The following DENND4B variants were observed in gnomAD, a reference collection of about 807,000 sequenced individuals.
DENND4B encodes DENN domain-containing protein 4B.
A neutral mutation model predicts 161.0 loss-of-function variants in DENND4B; 67 were observed. That is an observed-to-expected ratio of 0.42 (90% CI 0.34 to 0.51). DENND4B has a LOEUF of 0.51. Among genes scored for constraint, DENND4B ranks in the 20% least tolerant of loss-of-function variants. The pLI is 0.08. For synonymous variants in DENND4B, 753 were observed against 813.8 expected (o/e 0.93, Z 1.27); for missense variants, 1,481 against 1,968.0 (o/e 0.75, Z 4.68).
At chr1:153,935,130 T>A in intron 17 of DENND4B, 166 bp from the exon 18 acceptor site, 1 of 1,385,308 alleles carries the variant, frequency 7.2e-7, no homozygotes, top group Non-Finnish European at 9.5e-7. Flanking sequence ...GAAGAGACAG[T>A]AGGCAGCAGC....
chr1:153,937,550 G>C lies in DENND4B; in HGVS notation c.2170C>G (p.Leu724Val). The C allele has an allele frequency of 2.5e-6, 4 of 1,611,686 alleles. No homozygotes were observed. The highest frequency in any genetic ancestry group is 3.4e-6 in the Non-Finnish European group (4 of 1,178,840). The part of the protein sequence containing the change: ...FESLQEQPGA[L>V]PVPGPSRSAP... ...CTACGGGAAGGGCCTGGCACAGGCAGGGCCCCAGGTTGCTCTTGAAGAGAC... is the reference window on the plus strand; with the variant it reads ...CTACGGGAAGGGCCTGGCACAGGCACGGCCCCAGGTTGCTCTTGAAGAGAC... The change falls in exon 15 of 28, where the codon CTG becomes GTG. Residue 724 changes from leucine (L) to valine (V), a missense_variant. This residue lies in a region of DENND4B where 806 missense variants were observed against 1,134.4 expected (regional missense o/e 0.71). Transcript: ENST00000361217. This position sits in a 1 kb window ranked among gnomAD's most constrained non-coding sequence, Gnocchi z 4.7.
In DENND4B at chr1:153,934,330, G is replaced by A. The variant is rs1445592614; in HGVS notation, c.2774-28C>T. The A allele has an allele frequency of 5.8e-6, 9 of 1,552,012 alleles. No homozygotes were observed. The highest frequency in any genetic ancestry group is 7.8e-6 in the Non-Finnish European group (9 of 1,153,916). Reference sequence around the variant, plus strand: ...GTAAAAGACGAGAAGGGGTTTAGAGGCGGCCAGCTAGGAACCCAGTCCCCT... The same window carrying A: ...GTAAAAGACGAGAAGGGGTTTAGAGACGGCCAGCTAGGAACCCAGTCCCCT... On this transcript the variant is annotated intron_variant, in intron 18 of 27. Coordinates refer to ENST00000361217, the MANE Select transcript of DENND4B (RefSeq NM_014856.3). The surrounding 1 kb of genome is among the most constrained non-coding windows in gnomAD (Gnocchi z 5.3).
At chr1:153,946,815 C>T, upstream of DENND4B, 1 of 354,814 alleles carries the variant, frequency 2.8e-6, no homozygotes, top group Non-Finnish European at 5.1e-6. The surrounding 1 kb of genome is among the most constrained non-coding windows in gnomAD (Gnocchi z 6.3). Flanking sequence ...CCTCAGGACA[C>T]TGACCCCAGG....
chr1:153,944,433 A>G lies in DENND4B; in HGVS notation c.-23-36T>C. On this transcript the variant is annotated intron_variant, in intron 1 of 27. Transcript: ENST00000361217. The surrounding 1 kb of genome is among the most constrained non-coding windows in gnomAD (Gnocchi z 4.8). ...CAAGTGGGAGAGAGATGAAGCAAGG[A>G]AGGCTGGGGATGCCATGGCAACCAG... 1 of 1,508,384 alleles carries G rather than the reference A, an allele frequency of 6.6e-7. No individual in the cohort carries two copies. Among genetic ancestry groups the G allele is most frequent in the South Asian group, 1.3e-5 (1 of 77,934 alleles). 93.4% of individuals were successfully genotyped at this position (1,508,384 alleles called of 1,614,324 possible).
chr1:153,936,838 C>G lies in DENND4B; in HGVS notation c.2233-90G>C. On this transcript the variant is annotated intron_variant, in intron 15 of 27. Transcript: ENST00000361217. This position sits in a 1 kb window ranked among gnomAD's most constrained non-coding sequence, Gnocchi z 4.1. ...TTTATTTATTTATGACGGTCTCGCTCTGTCACCCAGGCTGGAGTGCAGTGG... is the reference window on the plus strand; with the variant it reads ...TTTATTTATTTATGACGGTCTCGCTGTGTCACCCAGGCTGGAGTGCAGTGG... The G allele has an allele frequency of 7.6e-7, 1 of 1,312,884 alleles. No individual in the cohort carries two copies. Among genetic ancestry groups the G allele is most frequent in the African/African-American group, 1.5e-5 (1 of 66,976 alleles). 81.3% of individuals were successfully genotyped at this position (1,312,884 alleles called of 1,614,324 possible). A position where few individuals can be genotyped will look rare whatever the true frequency, so the allele number is the denominator to read the frequency against.
At chr1:153,935,984 C>A in intron 17 of DENND4B, 76 bp downstream of exon 17, 1 of 1,547,756 alleles carries the variant, frequency 6.5e-7, no homozygotes, top group Non-Finnish European at 8.8e-7. Flanking sequence ...CTCCAAGGAG[C>A]GAGGGGAGCA....
In DENND4B at chr1:153,930,679, G is replaced by A. The variant is rs531277377; in HGVS notation, c.4280+13C>T. 41 of 1,613,226 alleles carry A rather than the reference G, an allele frequency of 2.5e-5. 1 individual carries two copies. In the South Asian group the frequency reaches 4.2e-4, roughly 16 times the overall value. ...CGGACAGACCAGGGATCACCCAGAT[G>A]GTAGCACCATACCTCTGCAGGTGCA... On this transcript the variant is annotated intron_variant, in intron 26 of 27. Transcript: ENST00000361217. This position sits in a 1 kb window ranked among gnomAD's most constrained non-coding sequence, Gnocchi z 4.7.
In DENND4B at chr1:153,942,137, C is replaced by G; in HGVS notation, c.811-24G>C. On this transcript the variant is annotated intron_variant, in intron 5 of 27. Transcript: ENST00000361217. This position sits in a 1 kb window ranked among gnomAD's most constrained non-coding sequence, Gnocchi z 6.9. ...ACCTGGCAGGGGGCAGAAGGGTAGTCAGGCAGGCCCTGCATAGCCTGGACC... is the reference window on the plus strand; with the variant it reads ...ACCTGGCAGGGGGCAGAAGGGTAGTGAGGCAGGCCCTGCATAGCCTGGACC... 2 of 1,613,916 alleles carry G rather than the reference C, an allele frequency of 1.2e-6. No individual in the cohort carries two copies. The highest frequency in any genetic ancestry group is 2.2e-5 in the East Asian group (1 of 44,880).
Position 153,930,848 on chromosome 1 carries a change from G to T in DENND4B, c.4124C>A (p.Pro1375His). Reference protein sequence around the residue: ...YVLWRVHSQIPQRVVWPGPVP... With the variant: ...YVLWRVHSQIHQRVVWPGPVP... ...AGGGCCTGGCCATACCACCCGCTGG[G>T]GGATCTGGCCTGGATGAAAGGAAAG... is the stretch of plus-strand genomic sequence containing the variant. The change falls in exon 26 of 28, where the codon CCC becomes CAC. Residue 1375 changes from proline to histidine, a missense_variant. Coordinates refer to ENST00000361217, the MANE Select transcript of DENND4B (RefSeq NM_014856.3). The surrounding 1 kb of genome is among the most constrained non-coding windows in gnomAD (Gnocchi z 4.7). 6.3e-7 allele frequency: 1 copy of T among 1,598,598 alleles called. No individual in the cohort carries two copies. The highest frequency in any genetic ancestry group is 1.1e-5 in the South Asian group (1 of 88,508).
Position 153,933,701 on chromosome 1 carries a change from C to A in DENND4B, c.3112G>T (p.Gly1038Trp). 6.3e-7 allele frequency: 1 copy of A among 1,581,846 alleles called. No homozygotes were observed. Among genetic ancestry groups the A allele is most frequent in the East Asian group, 2.3e-5 (1 of 43,096 alleles). ...QSTEALEGLS[G>W]RGPKAGGRQD... ...CGCCCACCAGCCTTGGGTCCCCGCC[C>A]ACTTAGCCCTTCCAGGGCCTCAGTG... The change falls in exon 20 of 28, where the codon GGG (glycine) becomes TGG (tryptophan). Residue 1038 changes from glycine (G) to tryptophan (W), a missense_variant. Around this residue, in one of 3 missense-constraint regions of DENND4B, gnomAD observed 339 missense variants for 330.3 expected, o/e 1.03. Transcript: ENST00000361217. This position sits in a 1 kb window ranked among gnomAD's most constrained non-coding sequence, Gnocchi z 5.7.
Position 153,943,109 on chromosome 1 carries a change from T to G in DENND4B, c.339A>C (p.Glu113Asp), listed in dbSNP as rs1571058778. Residue 113 changes from glutamate to aspartate, a missense_variant, in exon 3 of 28, where the codon GAA (glutamate) becomes GAC (aspartate). By Grantham distance (45) the Glu-to-Asp change is conservative. Transcript: ENST00000361217. ...VELGVLYEGK[E>D]RPKPGFQVLD... Reference sequence around the variant, plus strand: ...GCACTTGGAAGCCAGGCTTGGGACGTTCCTTCCCCTCATACAACACCCTTG... The same window carrying G: ...GCACTTGGAAGCCAGGCTTGGGACGGTCCTTCCCCTCATACAACACCCTTG... 1.9e-6 allele frequency: 3 copies of G among 1,613,590 alleles called. No individual in the cohort carries two copies. Among genetic ancestry groups the G allele is most frequent in the East Asian group, 2.2e-5 (1 of 44,880 alleles).
Position 153,944,648 on chromosome 1 carries a change from C to T in DENND4B, c.-23-251G>A, listed in dbSNP as rs907908845. ...CTAAACTCCACCACACACAGCTAAC[C>T]TGAGCTATGACATTCACATTGTCCA... On this transcript the variant is annotated intron_variant, in intron 1 of 27. Transcript: ENST00000361217. The surrounding 1 kb of genome is among the most constrained non-coding windows in gnomAD (Gnocchi z 4.8). Among the ~76,000 whole-genome samples the T allele has an allele frequency of 2.0e-5, 3 of 152,228 alleles. No individual in the cohort carries two copies. The highest frequency in any genetic ancestry group is 2.9e-5 in the Non-Finnish European group (2 of 68,044).
chr1:153,941,067 T>C lies in DENND4B; in HGVS notation c.1182-19A>G, dbSNP rs763980098. The C allele has an allele frequency of 8.4e-6, 13 of 1,551,970 alleles. No homozygotes were observed. The African/African-American group carries it at 1.1e-4, about 13-fold the overall frequency. ...GGCACCACTGCAGGCAATGCCGAGG[T>C]GGGGAAAGGGTCACCAGGATACCCT... is the stretch of plus-strand genomic sequence containing the variant. On this transcript the variant is annotated intron_variant, in intron 8 of 27. Transcript: ENST00000361217.
rs1679580185 is a variant in DENND4B, at chr1:153,940,101, G to A, written c.1603+55C>T. ...AGCTCCCCACAGACCTCTGCAAACT[G>A]GAGGTTTGAGGGCAATGACAGTTCC... On this transcript the variant is annotated intron_variant, in intron 11 of 27. Coordinates refer to ENST00000361217, the MANE Select transcript of DENND4B (RefSeq NM_014856.3). This position sits in a 1 kb window ranked among gnomAD's most constrained non-coding sequence, Gnocchi z 5.6. 1.4e-6 allele frequency: 2 copies of A among 1,427,750 alleles called. No homozygotes were observed. Among genetic ancestry groups the A allele is most frequent in the Non-Finnish European group, 1.9e-6 (2 of 1,056,344 alleles). 88.4% of individuals were successfully genotyped at this position (1,427,750 alleles called of 1,614,324 possible).
At chr1:153,935,023 C>T (rs1679251366) in intron 17 of DENND4B, 59 bp from the exon 18 acceptor site, 1 of 1,586,732 alleles carries the variant, frequency 6.3e-7, no homozygotes, top group Non-Finnish European at 8.5e-7. Flanking sequence ...CTGCCTCATA[C>T]CCACTCCCTG....
intron 11 of DENND4B, 140 bp from the exon 12 acceptor site, chr1:153,939,944 G>C: frequency 2.3e-6 from 2 of 887,306 alleles, no homozygotes; most frequent in Admixed American, 2.7e-5. Context: ...TCAACTAACA[G>C]GTTCAAGCTT....
At chr1:153,946,847 G>A (rs1680004098), upstream of DENND4B, among the ~76,000 whole-genome samples, 1 of 152,182 alleles carries the variant, frequency 6.6e-6, no homozygotes, top group Non-Finnish European at 1.5e-5. The surrounding 1 kb of genome is among the most constrained non-coding windows in gnomAD (Gnocchi z 6.3). Context: ...GCCGCGGCGC[G>A]CTCCCTTCCC....
In DENND4B at chr1:153,946,138, G is replaced by A. The variant is rs952636106; in HGVS notation, c.-24+163C>T. Reference sequence around the variant, plus strand: ...GGCCGGGCACGGCGAGCTAATTGCGGGAGGTGCCCTCCCCTCCACTTTCAC... The same window carrying A: ...GGCCGGGCACGGCGAGCTAATTGCGAGAGGTGCCCTCCCCTCCACTTTCAC... On this transcript the variant is annotated intron_variant, in intron 1 of 27. Coordinates refer to ENST00000361217, the MANE Select transcript of DENND4B (RefSeq NM_014856.3). The surrounding 1 kb of genome is among the most constrained non-coding windows in gnomAD (Gnocchi z 6.3). Among the ~76,000 whole-genome samples, 1 of 152,162 alleles carries A rather than the reference G, an allele frequency of 6.6e-6. No homozygotes were observed. Among genetic ancestry groups the A allele is most frequent in the African/African-American group, 2.4e-5 (1 of 41,456 alleles).
In DENND4B at chr1:153,933,955, T is replaced by C; in HGVS notation, c.2942-84A>G. ...TTCCTGAATAAACACAATTCCTGGC[T>C]GCACAAACTCTGGTGCCACCACCCC... On this transcript the variant is annotated intron_variant, in intron 19 of 27. Transcript: ENST00000361217. This position sits in a 1 kb window ranked among gnomAD's most constrained non-coding sequence, Gnocchi z 5.7. 2 of 1,549,086 alleles carry C rather than the reference T, an allele frequency of 1.3e-6. No homozygotes were observed. Among genetic ancestry groups the C allele is most frequent in the Admixed American group, 2.3e-5 (1 of 42,756 alleles).
Sources: gnomAD v4.1 joint callset for allele counts (sites outside exome capture counted in the v4.1 genomes callset) on GRCh38, gnomAD v4.1.1 for gene constraint, gnomAD v4.1.1 regional missense constraint, Gnocchi (gnomAD v3.1) non-coding constraint, MANE v1.5 for transcripts, NCBI Gene and HGNC (gene_info 2026-07-23, HGNC 2026-07-21) for gene names.